TNIP3: variants seen among roughly 807,000 people sequenced by gnomAD.
The protein encoded by TNIP3 is TNFAIP3 interacting protein 3.
A neutral mutation model predicts 54.1 loss-of-function variants in TNIP3; 34 were observed. The observed-to-expected ratio is 0.63, with a 90% confidence interval of 0.48 to 0.84. The LOEUF is 0.84. Ranked by LOEUF, TNIP3 falls within the 40% of genes least tolerant of loss-of-function variation. The pLI is 0.00. For synonymous variants in TNIP3, 134 were observed against 136.8 expected, an observed-to-expected ratio of 0.98 and a Z score of 0.14; for missense variants, 366 against 387.6, an observed-to-expected ratio of 0.94 and a Z score of 0.47.
At chr4:121,133,100 CTTG>C (rs1166640879) in intron 10 of TNIP3, among the ~76,000 whole-genome samples, 2 of 152,182 alleles carry the variant, frequency 1.3e-5, no homozygotes, top group East Asian at 1.9e-4. Flanking sequence ...TATAGAAAGA[CTTG>C]TTGGTGTATC....
chr4:121,207,465 A>G (rs1329186016), intron 2 of TNIP3, among the ~76,000 whole-genome samples: 4 of 152,206 alleles, frequency 2.6e-5, no homozygotes, highest in African/African-American at 9.7e-5. Context: ...TTAGGCAATT[A>G]ATTGTACGCA....
chr4:121,184,496 T>C (rs1724898826), intron 2 of TNIP3, among the ~76,000 whole-genome samples: 1 of 152,152 alleles, frequency 6.6e-6, no homozygotes, highest in South Asian at 2.1e-4. Flanking sequence ...GAGCTGAGAA[T>C]GAATCATATG....
intron 1 of TNIP3, among the ~76,000 whole-genome samples, chr4:121,224,058 T>G (rs780442913): frequency 6.6e-6 from 1 of 152,230 alleles, no homozygotes; most frequent in Non-Finnish European, 1.5e-5. Context: ...ATGAATGATC[T>G]CAGCTCTCTG....
intron 3 of TNIP3, among the ~76,000 whole-genome samples, chr4:121,169,633 A>G (rs921345840): frequency 2.0e-5 from 3 of 152,124 alleles, no homozygotes; most frequent in Non-Finnish European, 4.4e-5. Context: ...CCTTACCCCA[A>G]AACAAATGTA....
chr4:121,215,748 A>G (rs1316605383), intron 2 of TNIP3, among the ~76,000 whole-genome samples: 2 of 152,174 alleles, frequency 1.3e-5, no homozygotes, highest in African/African-American at 4.8e-5. Flanking sequence ...AGAGCATCCT[A>G]CCATATATGA....
chr4:121,141,884 C>T lies in TNIP3; in HGVS notation c.817G>A (p.Val273Ile). The T allele has an allele frequency of 1.3e-6, 2 of 1,599,064 alleles. No individual in the cohort carries two copies. The highest frequency in any genetic ancestry group is 8.5e-7 in the Non-Finnish European group (1 of 1,172,868). Reference sequence around the variant, plus strand: ...ACCCATGGATCTTGCAGGTGGAAAACCAAGCCGCAGTTACAGGGTGGGCAA... The same window carrying T: ...ACCCATGGATCTTGCAGGTGGAAAATCAAGCCGCAGTTACAGGGTGGGCAA... Reference protein sequence around the residue: ...MYCPPCNCGLVFHLQDPWVPT... With the variant: ...MYCPPCNCGLIFHLQDPWVPT... Residue 273 changes from valine to isoleucine, a missense_variant, in exon 9 of 11, where the codon GTT (valine) becomes ATT (isoleucine). Val to Ile is a conservative substitution (Grantham distance 29). Transcript: ENST00000057513.
chr4:121,227,442 A>G (rs1367511409), exon 1 of TNIP3: 34 of 1,469,750 alleles, frequency 2.3e-5, no homozygotes, highest in Non-Finnish European at 3.0e-5. Flanking sequence ...AAGGTCTAAT[A>G]CGGAGACCTG....
intron 5 of TNIP3, among the ~76,000 whole-genome samples, chr4:121,153,354 G>T (rs1473638559): frequency 1.3e-5 from 2 of 152,086 alleles, no homozygotes; most frequent in African/African-American, 2.4e-5. Flanking sequence ...TTATATCTTT[G>T]TGTCTACATT....
At chr4:121,189,141 C>T (rs911484614) in intron 2 of TNIP3, among the ~76,000 whole-genome samples, 1 of 152,136 alleles carries the variant, frequency 6.6e-6, no homozygotes, top group Non-Finnish European at 1.5e-5. Context: ...AAATGAGGCT[C>T]AGTGGGGCTA....
chr4:121,217,994 A>C (rs1341830807), upstream of TNIP3, among the ~76,000 whole-genome samples: 1 of 152,180 alleles, frequency 6.6e-6, no homozygotes, highest in African/African-American at 2.4e-5. Context: ...CTAATTAATG[A>C]CTGATCTAGG....
chr4:121,141,731 A>T, intron 9 of TNIP3, 85 bp downstream of exon 9: 1 of 923,466 alleles, frequency 1.1e-6, no homozygotes, highest in East Asian at 3.0e-5. Flanking sequence ...GCTGTAGATA[A>T]TATAATGTGC....
At chr4:121,218,116 A>G (rs1429486314), upstream of TNIP3, among the ~76,000 whole-genome samples, 1 of 152,238 alleles carries the variant, frequency 6.6e-6, no homozygotes, top group Non-Finnish European at 1.5e-5. Context: ...AGATACTGAT[A>G]TATTTTAATA....
intron 5 of TNIP3, among the ~76,000 whole-genome samples, chr4:121,151,325 A>C (rs983896423): frequency 6.6e-6 from 1 of 152,166 alleles, no homozygotes. Context: ...CTGCATTACT[A>C]TATAATATGG....
chr4:121,226,910 A>T (rs73843557), intron 1 of TNIP3, among the ~76,000 whole-genome samples: 19,243 of 147,304 alleles, frequency 0.13, 1,700 homozygotes, highest in African/African-American at 0.26. Flanking sequence ...TGTCCCCTGC[A>T]GAGGAACACA....
At chr4:121,139,071 A>G in intron 9 of TNIP3, among the ~76,000 whole-genome samples, 1 of 152,252 alleles carries the variant, frequency 6.6e-6, no homozygotes, top group East Asian at 1.9e-4. Context: ...AGAGGCAATG[A>G]GAAGGCCAGG....
At chr4:121,223,454 G>A (rs1727125699) in intron 1 of TNIP3, among the ~76,000 whole-genome samples, 1 of 152,180 alleles carries the variant, frequency 6.6e-6, no homozygotes, top group South Asian at 2.1e-4. Flanking sequence ...CCATGGTAAA[G>A]TAGCTGAAAG....
Position 121,132,423 on chromosome 4 carries a change from T to C in TNIP3, c.*208A>G. 2.1e-6 allele frequency: 1 copy of C among 477,918 alleles called. No homozygotes were observed. Among genetic ancestry groups the C allele is most frequent in the East Asian group, 3.2e-5 (1 of 30,876 alleles). 29.6% of individuals were successfully genotyped at this position (477,918 alleles called of 1,614,324 possible). ...GGAAACTGGAAGTTGTATTTGGTTG[T>C]ATAATAACTGGCTCCTCCAATTTGA... On this transcript the variant is annotated 3_prime_UTR_variant, in exon 11 of 11. Transcript: ENST00000057513.
At chr4:121,182,912 G>T in intron 2 of TNIP3, 1 of 1,020,348 alleles carries the variant, frequency 9.8e-7, no homozygotes, top group South Asian at 1.7e-5. Flanking sequence ...ACTTCTCTAC[G>T]ATCTCCCAAA....
At chr4:121,155,990 C>T (rs541816318) in intron 4 of TNIP3, among the ~76,000 whole-genome samples, 4 of 151,932 alleles carry the variant, frequency 2.6e-5, no homozygotes, top group Non-Finnish European at 5.9e-5. Context: ...AAAATTATTC[C>T]AATAAGATAA....
Sources: allele counts gnomAD v4.1 joint callset (sites outside exome capture counted in the v4.1 genomes callset), GRCh38; gene constraint gnomAD v4.1.1; transcripts MANE v1.5; gene names NCBI Gene and HGNC (gene_info 2026-07-23, HGNC 2026-07-21).